The following ELMOD3 variants were observed in gnomAD, a reference collection of about 807,000 sequenced individuals.
The protein encoded by ELMOD3 is ELMO domain-containing protein 3.
ELMOD3 carries 36 observed loss-of-function variants against 47.4 expected under a neutral mutation model. The ratio of observed to expected loss-of-function variants is 0.76; its 90% confidence interval spans 0.58 to 1.00. The LOEUF (loss-of-function observed/expected upper bound fraction) is 1.00. Among genes scored for constraint, ELMOD3 ranks in the 50% least tolerant of loss-of-function variants. The pLI, the probability that ELMOD3 is intolerant of heterozygous loss-of-function variation, is 0.00. For missense variants in ELMOD3, 404 were observed against 463.8 expected (o/e 0.87, Z 1.18); for synonymous variants, 149 against 183.5 (o/e 0.81, Z 1.52).
At chr2:85,358,535 G>T (rs1357829053) in intron 4 of ELMOD3, among the ~76,000 whole-genome samples, 4 of 152,144 alleles carry the variant, frequency 2.6e-5, no homozygotes, top group Non-Finnish European at 5.9e-5. Context: ...TGCAGCAGGT[G>T]TGTTGATTGC....
intron 11 of ELMOD3, among the ~76,000 whole-genome samples, chr2:85,386,551 A>C (rs1685939863): frequency 6.6e-6 from 1 of 151,884 alleles, no homozygotes; most frequent in Non-Finnish European, 1.5e-5. Context: ...CACCTAGCTA[A>C]TTTTTGCGTT....
chr2:85,389,846 G>C lies in ELMOD3; in HGVS notation c.815+19G>C, dbSNP rs1423656380. On this transcript the variant is annotated intron_variant, in intron 12 of 13. Coordinates refer to ENST00000409013, the MANE Select transcript of ELMOD3 (RefSeq NM_001135022.2). ...TCTCCAGGTGAGTCCCCAAACACCA[G>C]CTGGTTAGAGTGACCCAGCAAAGCC... 2 of 1,605,618 alleles carry C rather than the reference G, an allele frequency of 1.2e-6. No individual in the cohort carries two copies. Among genetic ancestry groups the C allele is most frequent in the South Asian group, 2.2e-5 (2 of 90,900 alleles).
chr2:85,378,828 A>T (rs1029415720), intron 11 of ELMOD3, among the ~76,000 whole-genome samples: 2 of 152,220 alleles, frequency 1.3e-5, no homozygotes, highest in African/African-American at 4.8e-5. Flanking sequence ...CTTAGGTTTC[A>T]TCTGATCTCT....
chr2:85,380,161 G>C (rs149153895), intron 11 of ELMOD3, among the ~76,000 whole-genome samples: 1 of 152,150 alleles, frequency 6.6e-6, no homozygotes, highest in Admixed American at 6.6e-5. Flanking sequence ...GCAAATAACT[G>C]TATTGCCATA....
chr2:85,389,899 TC>T, intron 12 of ELMOD3, 72 bp downstream of exon 12: 1 of 1,417,366 alleles, frequency 7.1e-7, no homozygotes, highest in Non-Finnish European at 1.0e-6. Context: ...GGCTTAATTT[TC>T]CCCAGCTCTA....
intron 10 of ELMOD3, among the ~76,000 whole-genome samples, chr2:85,373,939 C>G: frequency 1.9e-5 from 1 of 51,428 alleles, no homozygotes; most frequent in African/African-American, 6.8e-5. Flanking sequence ...TTTTTTTTTT[C>G]TATTTCAAGG....
intron 4 of ELMOD3, among the ~76,000 whole-genome samples, chr2:85,361,164 C>T (rs971563643): frequency 5.5e-4 from 84 of 151,934 alleles, no homozygotes; most frequent in Admixed American, 2.0e-4. Context: ...AGCTCTGTAT[C>T]TGTGAAATGA....
In ELMOD3 at chr2:85,390,800, C is replaced by G. The variant is rs1020198346; in HGVS notation, c.984C>G (p.Leu328=). ...CCAAGAAGAGCCCACGGCGGCTGCT[C>G]AAGACCCTGGAGCTGTACTTGGCCA... is the stretch of plus-strand genomic sequence containing the variant. The part of the protein sequence containing the change: ...VLAKKSPRRL[L]KTLELYLARV... The change falls in exon 14 of 14, where the codon CTC becomes CTG. Residue 328 remains leucine, a synonymous_variant. Coordinates refer to ENST00000409013, the MANE Select transcript of ELMOD3 (RefSeq NM_001135022.2). The G allele has an allele frequency of 6.4e-7, 1 of 1,551,446 alleles. No homozygotes were observed. Among genetic ancestry groups the G allele is most frequent in the Non-Finnish European group, 8.7e-7 (1 of 1,147,024 alleles).
intron 4 of ELMOD3, among the ~76,000 whole-genome samples, chr2:85,360,417 A>G (rs1451835891): frequency 6.7e-6 from 1 of 149,514 alleles, no homozygotes; most frequent in Non-Finnish European, 1.5e-5. Flanking sequence ...GCGGTGGCGT[A>G]ATCTCAGCTC....
chr2:85,361,205 G>A (rs1490535762), intron 4 of ELMOD3, among the ~76,000 whole-genome samples: 2 of 138,704 alleles, frequency 1.4e-5, no homozygotes, highest in South Asian at 2.1e-4. Flanking sequence ...TATTTTGGTC[G>A]GTTTTTTGTT....
chr2:85,379,757 T>A (rs1243612706), intron 11 of ELMOD3, among the ~76,000 whole-genome samples: 1 of 152,220 alleles, frequency 6.6e-6, no homozygotes, highest in East Asian at 1.9e-4. Flanking sequence ...ATTTTTCACA[T>A]AGGCTTTTTT....
At chr2:85,389,456 GGAT>G in intron 11 of ELMOD3, 1 of 458,520 alleles carries the variant, frequency 2.2e-6, no homozygotes, top group Non-Finnish European at 4.0e-6. Flanking sequence ...TGACGGGTCA[GGAT>G]GATGAAGAGG....
chr2:85,357,340 A>G, intron 4 of ELMOD3, 88 bp downstream of exon 4: 1 of 826,950 alleles, frequency 1.2e-6, no homozygotes, highest in African/African-American at 1.8e-5. Flanking sequence ...GAATATTTGG[A>G]AAAATTTAGA....
intron 6 of ELMOD3, among the ~76,000 whole-genome samples, chr2:85,365,337 G>A (rs901112111): frequency 2.0e-5 from 3 of 150,554 alleles, no homozygotes; most frequent in East Asian, 1.9e-4. Context: ...GCGACAGAGC[G>A]AGACTTCTTC....
chr2:85,387,289 T>G, intron 11 of ELMOD3: 1 of 1,027,328 alleles, frequency 9.7e-7, no homozygotes. Context: ...GCCTAGTACT[T>G]TGCACATGTG....
At chr2:85,384,720 C>T (rs1685813355) in intron 11 of ELMOD3, among the ~76,000 whole-genome samples, 1 of 152,164 alleles carries the variant, frequency 6.6e-6, no homozygotes, top group South Asian at 2.1e-4. Context: ...GCTGGGACTA[C>T]AGGTGTGCCG....
rs114796953 is a variant in ELMOD3 at position 85,361,133 on chromosome 2, A to T, written c.55-1053A>T. 2.8e-3 allele frequency among the ~76,000 whole-genome samples: 419 copies of T among 152,284 alleles called. 1 individual carries two copies. Among genetic ancestry groups the T allele is most frequent in the African/African-American group, 9.3e-3 (387 of 41,554 alleles). ...CACACCTGGTGATTTTTAGGATTTT[A>T]AAAGAACACGTTGAAAAATTAGCTC... is the stretch of plus-strand genomic sequence containing the variant. On this transcript the variant is annotated intron_variant, in intron 4 of 13. Transcript: ENST00000409013.
intron 1 of ELMOD3, 32 bp from the exon 2 acceptor site, chr2:85,355,044 G>A (rs959344203): frequency 6.5e-6 from 1 of 154,148 alleles, no homozygotes; most frequent in East Asian, 1.9e-4. Flanking sequence ...GCCTTGAGGT[G>A]TTAAATTGCT....
At chr2:85,386,659 A>G (rs577196154) in intron 11 of ELMOD3, among the ~76,000 whole-genome samples, 1 of 152,204 alleles carries the variant, frequency 6.6e-6, no homozygotes, top group South Asian at 2.1e-4. Context: ...TGCTGGGATT[A>G]CAGGAGTGAG....
Sources: gnomAD v4.1 joint callset for allele counts (sites outside exome capture counted in the v4.1 genomes callset) on GRCh38, gnomAD v4.1.1 for gene constraint, MANE v1.5 for transcripts, NCBI Gene and HGNC (gene_info 2026-07-23, HGNC 2026-07-21) for gene names.